SGCZ: variants seen among roughly 807,000 people sequenced by gnomAD.
SGCZ encodes sarcoglycan zeta.
Under a neutral mutation model 41.3 loss-of-function variants are expected in SGCZ, and 40 were observed. That is an observed-to-expected ratio of 0.97 (90% confidence interval 0.75 to 1.26). SGCZ has a LOEUF of 1.26. Ranked by LOEUF, SGCZ falls within the 50% of genes most tolerant of loss-of-function variation. The pLI is 0.00. For synonymous variants in SGCZ, 206 were observed against 137.5 expected (o/e 1.50, Z -3.49); for missense variants, 552 against 369.8 (o/e 1.49, Z -4.04).
At chr8:15,148,438 G>A (rs1169779124) in intron 1 of SGCZ, among the ~76,000 whole-genome samples, 2 of 152,110 alleles carry the variant, frequency 1.3e-5, no homozygotes, top group African/African-American at 2.4e-5. Context: ...GCAGCTGTGT[G>A]ACCTCCTGGG....
At chr8:14,971,935 T>C (rs913254726) in intron 1 of SGCZ, among the ~76,000 whole-genome samples, 1 of 152,130 alleles carries the variant, frequency 6.6e-6, no homozygotes, top group Non-Finnish European at 1.5e-5. Flanking sequence ...TGCATGCTAT[T>C]TGCAAAACTT....
chr8:15,186,086 AAAT>A (rs1234134938), intron 1 of SGCZ, among the ~76,000 whole-genome samples: 6 of 120,646 alleles, frequency 5.0e-5, no homozygotes, highest in Admixed American at 1.7e-4. Flanking sequence ...AATAAATAAA[AAAT>A]AAATAAAAAA....
At chr8:14,836,410 G>C (rs962523766) in intron 1 of SGCZ, among the ~76,000 whole-genome samples, 3 of 152,132 alleles carry the variant, frequency 2.0e-5, no homozygotes, top group African/African-American at 7.2e-5. Context: ...TAGGTGTTAT[G>C]TTACATTTTA....
chr8:14,821,099 A>G (rs895609424), intron 1 of SGCZ, among the ~76,000 whole-genome samples: 3 of 151,962 alleles, frequency 2.0e-5, no homozygotes, highest in Non-Finnish European at 4.4e-5. Flanking sequence ...AAATAAAAGA[A>G]AACTCAAATA....
At chr8:14,569,038 C>G (rs1804469854) in intron 1 of SGCZ, among the ~76,000 whole-genome samples, 2 of 152,114 alleles carry the variant, frequency 1.3e-5, no homozygotes, top group African/African-American at 2.4e-5. Context: ...GATGACATAA[C>G]AAGACTGGTA....
At chr8:14,853,205 T>G (rs35160940) in intron 1 of SGCZ, among the ~76,000 whole-genome samples, 3,380 of 152,316 alleles carry the variant, frequency 0.022, 57 homozygotes, top group Non-Finnish European at 0.035. Context: ...TATTTTCTCT[T>G]TATGGTATAA....
At chr8:15,041,160 T>A (rs1419802263) in intron 1 of SGCZ, among the ~76,000 whole-genome samples, 1 of 151,918 alleles carries the variant, frequency 6.6e-6, no homozygotes, top group Non-Finnish European at 1.5e-5. Flanking sequence ...TTATTTTTTT[T>A]ATAACATAGA....
At chr8:14,153,204 T>C (rs1803764173) in intron 5 of SGCZ, among the ~76,000 whole-genome samples, 1 of 152,224 alleles carries the variant, frequency 6.6e-6, no homozygotes, top group South Asian at 2.1e-4. Flanking sequence ...TATTATTTGT[T>C]ACAACTGTAT....
At chr8:14,483,025 T>G (rs1051589479) in intron 2 of SGCZ, among the ~76,000 whole-genome samples, 1 of 152,004 alleles carries the variant, frequency 6.6e-6, no homozygotes, top group African/African-American at 2.4e-5. Context: ...ATTGCTTCTG[T>G]TTTCTCTAGA....
intron 2 of SGCZ, among the ~76,000 whole-genome samples, chr8:14,485,628 A>G (rs1485684913): frequency 6.6e-6 from 1 of 152,102 alleles, no homozygotes; most frequent in African/African-American, 2.4e-5. Context: ...GTTTCCTCTC[A>G]TAGTACATGA....
chr8:14,531,739 A>G lies in SGCZ; in HGVS notation c.234+22993T>C, dbSNP rs192835463. ...ATGCTGTCTCCTTCCCTACTAGTTT[A>G]TTTTCTTTCCTATTCAAATCCTAAC... On this transcript the variant is annotated intron_variant, in intron 2 of 7. Coordinates refer to ENST00000382080, the MANE Select transcript of SGCZ (RefSeq NM_139167.4). Among the ~76,000 whole-genome samples the G allele has an allele frequency of 8.3e-3, 1,262 of 152,028 alleles. 6 individuals carry two copies. The highest frequency in any genetic ancestry group is 0.013 in the Non-Finnish European group (865 of 67,954).
chr8:15,019,738 T>C (rs74576949), intron 1 of SGCZ, among the ~76,000 whole-genome samples: 3,153 of 151,626 alleles, frequency 0.021, 119 homozygotes, highest in African/African-American at 0.065. Flanking sequence ...CTGGCATCAG[T>C]GACTCTAATG....
In SGCZ at chr8:14,723,728, C is replaced by A. The variant is rs150867683; in HGVS notation, c.40-168802G>T. Among the ~76,000 whole-genome samples the A allele has an allele frequency of 7.1e-3, 1,082 of 151,822 alleles. 18 individuals are homozygous for A. Among genetic ancestry groups the A allele is most frequent in the African/African-American group, 0.025 (1,043 of 41,378 alleles). On this transcript the variant is annotated intron_variant, in intron 1 of 7. Transcript: ENST00000382080. ...TATGCATACATATGTCTATATAGTG[C>A]ATCTATGTGTATATTATACATGTTT...
At chr8:14,359,952 T>C (rs1228246333) in intron 2 of SGCZ, among the ~76,000 whole-genome samples, 2 of 152,110 alleles carry the variant, frequency 1.3e-5, no homozygotes, top group South Asian at 2.1e-4. Context: ...GATGTAAGCA[T>C]GGTTCAACAT....
At chr8:14,486,313 GAAC>G (rs1801673265) in intron 2 of SGCZ, among the ~76,000 whole-genome samples, 1 of 152,108 alleles carries the variant, frequency 6.6e-6, no homozygotes, top group African/African-American at 2.4e-5. Flanking sequence ...ATGGTAGTAA[GAAC>G]CACTAAATAC....
At chr8:14,427,086 G>T (rs1799808317) in intron 2 of SGCZ, among the ~76,000 whole-genome samples, 1 of 120,902 alleles carries the variant, frequency 8.3e-6, no homozygotes, top group African/African-American at 5.9e-5. Flanking sequence ...ACGAATGAAT[G>T]AGTGAATGAA....
At chr8:14,884,893 G>A (rs1344484511) in intron 1 of SGCZ, among the ~76,000 whole-genome samples, 3 of 152,012 alleles carry the variant, frequency 2.0e-5, no homozygotes, top group Admixed American at 2.0e-4. Flanking sequence ...CTGGTTCCAA[G>A]TGTAGACAGG....
intron 1 of SGCZ, among the ~76,000 whole-genome samples, chr8:15,228,576 T>C (rs10099377): frequency 0.026 from 4,016 of 152,284 alleles, 179 homozygotes; most frequent in African/African-American, 0.092. Flanking sequence ...TAACTTTTTC[T>C]AAAATAATGT....
chr8:14,505,911 G>A (rs1282336264), intron 2 of SGCZ, among the ~76,000 whole-genome samples: 2 of 152,120 alleles, frequency 1.3e-5, no homozygotes, highest in East Asian at 1.9e-4. Flanking sequence ...TGATTCGAAC[G>A]CAAGCTAACT....
Sources: gnomAD v4.1 joint callset for allele counts (sites outside exome capture counted in the v4.1 genomes callset) on GRCh38, gnomAD v4.1.1 for gene constraint, MANE v1.5 for transcripts, NCBI Gene and HGNC (gene_info 2026-07-23, HGNC 2026-07-21) for gene names.